Variants in IRAK3 observed in about 807,000 individuals in gnomAD.
IRAK3 encodes the protein interleukin-1 receptor-associated kinase 3.
A neutral mutation model predicts 56.6 loss-of-function variants in IRAK3; 57 were observed. The ratio of observed to expected loss-of-function variants is 1.01; its 90% CI spans 0.81 to 1.26. The LOEUF is 1.26. IRAK3 is among the 50% of genes most tolerant of loss of function. The pLI is 0.00. For synonymous variants in IRAK3, 258 were observed against 255.7 expected, an observed-to-expected ratio of 1.01 and a Z score of -0.09; for missense variants, 703 against 719.0, an observed-to-expected ratio of 0.98 and a Z score of 0.25.
chr12:66,251,171 A>G lies in IRAK3; in HGVS notation c.*3000A>G, dbSNP rs2053095814. 1 of 152,238 alleles carries G rather than the reference A, an allele frequency of 6.6e-6. No homozygotes were observed. The highest frequency in any genetic ancestry group is 1.5e-5 in the Non-Finnish European group (1 of 68,046). The allele number at this position is 152,238 out of a possible 1,614,324, so 9.4% of individuals were successfully genotyped here. A position where few individuals can be genotyped will look rare whatever the true frequency, so the allele number is the denominator to read the frequency against. ...TATAACTATTTTGGACACCTCAAAG[A>G]TGAAGTCAGATAAGCTGGCAGTGAC... On this transcript the variant is annotated 3_prime_UTR_variant, in exon 12 of 12. Coordinates refer to ENST00000261233, the MANE Select transcript of IRAK3 (RefSeq NM_007199.3).
chr12:66,191,748 G>A (rs2052401892), intron 1 of IRAK3, among the ~76,000 whole-genome samples: 1 of 152,172 alleles, frequency 6.6e-6, no homozygotes, highest in South Asian at 2.1e-4. Context: ...TGCAGGTAGG[G>A]AAAACTTGAC....
intron 5 of IRAK3, among the ~76,000 whole-genome samples, chr12:66,214,648 G>A (rs1303184982): frequency 1.3e-5 from 2 of 152,092 alleles, no homozygotes; most frequent in Non-Finnish European, 2.9e-5. Context: ...GTATAAACCC[G>A]TGTTCCCAAC....
At chr12:66,214,393 T>A (rs988208115) in intron 5 of IRAK3, among the ~76,000 whole-genome samples, 17 of 149,914 alleles carry the variant, frequency 1.1e-4, no homozygotes, top group Admixed American at 4.0e-4. Context: ...AAAAAAAAAA[T>A]AGCTGGGTGT....
At chr12:66,226,301 G>A (rs1259309683) in intron 6 of IRAK3, among the ~76,000 whole-genome samples, 2 of 151,856 alleles carry the variant, frequency 1.3e-5, no homozygotes, top group Non-Finnish European at 2.9e-5. Flanking sequence ...GAGGGTAGTG[G>A]TGTGATCTTG....
intron 4 of IRAK3, 142 bp from the exon 5 acceptor site, chr12:66,211,304 T>C (rs1262078534): frequency 1.9e-5 from 12 of 619,888 alleles, no homozygotes; most frequent in Non-Finnish European, 3.5e-5. Flanking sequence ...AGAGAGCACA[T>C]GGTGGTCTTC....
intron 1 of IRAK3, among the ~76,000 whole-genome samples, chr12:66,190,396 A>T (rs1015802082): frequency 1.3e-5 from 2 of 152,064 alleles, no homozygotes; most frequent in Non-Finnish European, 2.9e-5. Flanking sequence ...AGAAAAAAAA[A>T]AAAGTCTGAT....
chr12:66,244,385 C>A, intron 8 of IRAK3, 101 bp from the exon 9 acceptor site: 1 of 823,196 alleles, frequency 1.2e-6, no homozygotes, highest in Non-Finnish European at 2.1e-6. Context: ...GACAGTGTTT[C>A]GAATTAACCA....
chr12:66,241,246 A>C (rs1292501230), intron 8 of IRAK3, among the ~76,000 whole-genome samples: 1 of 152,184 alleles, frequency 6.6e-6, no homozygotes, highest in African/African-American at 2.4e-5. Flanking sequence ...CCTCTCTGTT[A>C]AGGTAAATAG....
In IRAK3 at chr12:66,247,982, G is replaced by C. The variant is rs922959047; in HGVS notation, c.1602G>C (p.Met534Ile). 6.2e-7 allele frequency: 1 copy of C among 1,607,280 alleles called. No homozygotes were observed. The highest frequency in any genetic ancestry group is 2.2e-5 in the East Asian group (1 of 44,840). Residue 534 changes from methionine (M) to isoleucine (I), a missense_variant, in exon 12 of 12, where the codon ATG (methionine) becomes ATC (isoleucine). Transcript: ENST00000261233. ...AGAGAAATGAGGAAGCTTGCAACATGCCCAGTTCTTCTTGTGAAGAAAGTT... is the reference window on the plus strand; with the variant it reads ...AGAGAAATGAGGAAGCTTGCAACATCCCCAGTTCTTCTTGTGAAGAAAGTT... ...ESKRNEEACN[M>I]PSSSCEESWF...
chr12:66,240,868 G>GTA (rs752174659), intron 8 of IRAK3, among the ~76,000 whole-genome samples: 130 of 148,770 alleles, frequency 8.7e-4, no homozygotes, highest in Non-Finnish European at 1.5e-3. Context: ...ATATATGTGG[G>GTA]TATATATATC....
chr12:66,235,748 A>G (rs999168487), intron 8 of IRAK3, among the ~76,000 whole-genome samples: 1 of 152,264 alleles, frequency 6.6e-6, no homozygotes, highest in African/African-American at 2.4e-5. Flanking sequence ...TTGTATAACT[A>G]CAAATTCATG....
chr12:66,232,681 A>C (rs2052856065), intron 8 of IRAK3, among the ~76,000 whole-genome samples: 1 of 152,162 alleles, frequency 6.6e-6, no homozygotes, highest in Non-Finnish European at 1.5e-5. Context: ...CTCTGTGTGT[A>C]GCTCAGTGCT....
At position 66,245,106 on chromosome 12, in the gene IRAK3, C is replaced by G. The variant is rs142895705; in HGVS notation, c.1158C>G (p.Leu386=). 2.7e-5 allele frequency: 44 copies of G among 1,614,140 alleles called. No individual in the cohort carries two copies. The African/African-American group carries it at 4.7e-4, about 17-fold the overall frequency. ...TCTCCCTCTCTTCCAAGCGGGATCTCCTTAGAGAATTGATGGAGAAGAGAG... is the reference window on the plus strand; with the variant it reads ...TCTCCCTCTCTTCCAAGCGGGATCTGCTTAGAGAATTGATGGAGAAGAGAG... The part of the protein sequence containing the change: ...DDPKHIQLRD[L]LRELMEKRGL... Residue 386 remains leucine (L), a synonymous_variant, in exon 11 of 12, where the codon CTC becomes CTG. Coordinates refer to ENST00000261233, the MANE Select transcript of IRAK3 (RefSeq NM_007199.3).
intron 5 of IRAK3, among the ~76,000 whole-genome samples, chr12:66,213,579 T>C (rs1003515381): frequency 2.0e-5 from 3 of 152,058 alleles, no homozygotes; most frequent in African/African-American, 7.2e-5. Context: ...ACCCATAGAA[T>C]ATACCACACT....
At chr12:66,194,925 C>G (rs891805463) in intron 1 of IRAK3, among the ~76,000 whole-genome samples, 4 of 152,018 alleles carry the variant, frequency 2.6e-5, no homozygotes, top group African/African-American at 4.8e-5. Flanking sequence ...GTCCATGGAC[C>G]TTGTCTCTTC....
At position 66,203,855 on chromosome 12, in the gene IRAK3, T is replaced by C. The variant is rs764045733; in HGVS notation, c.278T>C (p.Met93Thr). 1.2e-6 allele frequency: 2 copies of C among 1,614,116 alleles called. No individual in the cohort carries two copies. The highest frequency in any genetic ancestry group is 2.2e-5 in the South Asian group (2 of 91,078). ...GACCTTTTACAGGTCCTCCAGGAGA[T>C]GGGACATCGTCGAGCTATTCATTTA... ...IGDLLQVLQE[M>T]GHRRAIHLIT... Residue 93 changes from methionine (M) to threonine (T), a missense_variant, in exon 2 of 12, where the codon ATG (methionine) becomes ACG (threonine). By Grantham distance (81) the Met-to-Thr change is moderately conservative (BLOSUM62 -1). Transcript: ENST00000261233.
intron 7 of IRAK3, among the ~76,000 whole-genome samples, chr12:66,227,198 A>G (rs893809241): frequency 6.6e-6 from 1 of 152,200 alleles, no homozygotes; most frequent in African/African-American, 2.4e-5. Context: ...GTATAACTTT[A>G]TTAAAGTATC....
intron 1 of IRAK3, among the ~76,000 whole-genome samples, chr12:66,199,363 A>G (rs1406501205): frequency 6.6e-6 from 1 of 152,226 alleles, no homozygotes; most frequent in Non-Finnish European, 1.5e-5. Flanking sequence ...GTACTCACCC[A>G]GAGGCCCACG....
chr12:66,202,624 A>G lies in IRAK3; in HGVS notation c.134-1087A>G, dbSNP rs183441884. On this transcript the variant is annotated intron_variant, in intron 1 of 11. Coordinates refer to ENST00000261233, the MANE Select transcript of IRAK3 (RefSeq NM_007199.3). ...AAAACCCCATCTCTACCAAAAAAGA[A>G]AAAAAAAACCCACACAAATACAAAA... 2.9e-3 allele frequency among the ~76,000 whole-genome samples: 441 copies of G among 150,888 alleles called. 6 individuals carry two copies. The highest frequency in any genetic ancestry group is 0.014 in the Admixed American group (207 of 15,112).
Sources: allele counts gnomAD v4.1 joint callset (sites outside exome capture counted in the v4.1 genomes callset), GRCh38; gene constraint gnomAD v4.1.1; transcripts MANE v1.5; gene names NCBI Gene and HGNC (gene_info 2026-07-23, HGNC 2026-07-21).